Variants in CHM observed in about 807,000 individuals in gnomAD.
CHM encodes CHM Rab escort protein, also known as rab proteins geranylgeranyltransferase component A 1.
CHM carries 10 observed loss-of-function variants against 49.0 expected under a neutral mutation model. The ratio of observed to expected loss-of-function variants is 0.20; its 90% CI spans 0.13 to 0.35. The LOEUF (loss-of-function observed/expected upper bound fraction) is 0.35, where lower values mean the gene tolerates loss of function less well. Ranked by LOEUF, CHM falls within the 10% of genes least tolerant of loss-of-function variation. The pLI is 1.00. For synonymous variants in CHM, 184 were observed against 167.5 expected, an observed-to-expected ratio of 1.10 and a Z score of -0.76; for missense variants, 455 against 478.4, an observed-to-expected ratio of 0.95 and a Z score of 0.46.
intron 3 of CHM, among the ~76,000 whole-genome samples, chrX:85,979,439 C>T (rs892720889): frequency 1.8e-5 from 2 of 111,037 alleles, no homozygotes; most frequent in Non-Finnish European, 3.8e-5. Context: ...TAATTAGTCC[C>T]TGAATACCTT....
At chrX:86,047,304 G>C in intron 1 of CHM, 180 bp downstream of exon 1, 2 of 503,790 alleles carry the variant, frequency 4.0e-6, no homozygotes. Context: ...AGCACTGCGG[G>C]TCCCAGCCCC....
At chrX:85,959,967 AAACT>A (rs1183325541) in intron 5 of CHM, among the ~76,000 whole-genome samples, 2 of 111,821 alleles carry the variant, frequency 1.8e-5, no homozygotes, top group African/African-American at 6.5e-5. Context: ...AAAATTTTAT[AAACT>A]AATAGTTCAG....
chrX:85,873,927 A>G (rs1924261494), intron 13 of CHM, among the ~76,000 whole-genome samples: 1 of 111,911 alleles, frequency 8.9e-6, no homozygotes, highest in Non-Finnish European at 1.9e-5. Flanking sequence ...AAATGAAGTC[A>G]TAACAGTGAA....
rs773489076 is a variant in CHM, at chrX:85,883,828, C to A, written c.1511-4765G>T. On this transcript the variant is annotated intron_variant, in intron 12 of 14. Transcript: ENST00000357749. ...ATATATATTTCACATTATATATTCA[C>A]AAATATATAATCATATCACAGATAA... Among the ~76,000 whole-genome samples the A allele has an allele frequency of 1.2e-4, 13 of 110,164 alleles. No homozygotes were observed. In the East Asian group the frequency reaches 3.1e-3, roughly 26 times the overall value.
At chrX:85,900,417 T>C (rs1158880083) in intron 11 of CHM, among the ~76,000 whole-genome samples, 1 of 111,320 alleles carries the variant, frequency 9.0e-6, no homozygotes, top group Non-Finnish European at 1.9e-5. Context: ...ACAAAAAGAA[T>C]AAGTTTTAGA....
intron 14 of CHM, among the ~76,000 whole-genome samples, chrX:85,867,441 G>A (rs940993466): frequency 8.9e-6 from 1 of 112,143 alleles, no homozygotes; most frequent in Non-Finnish European, 1.9e-5. Context: ...TTATAGCAGT[G>A]TGAGGACAGA....
At chrX:85,973,261 T>C (rs1365088458) in intron 4 of CHM, among the ~76,000 whole-genome samples, 8 of 79,214 alleles carry the variant, frequency 1.0e-4, no homozygotes, top group Non-Finnish European at 1.8e-4. Context: ...ATCACGCCAC[T>C]GCACTCCAGT....
intron 5 of CHM, among the ~76,000 whole-genome samples, chrX:85,961,234 A>G (rs1930277858): frequency 9.1e-6 from 1 of 109,664 alleles, no homozygotes; most frequent in Non-Finnish European, 1.9e-5. Flanking sequence ...ATCCTGGCCA[A>G]CATGGTGAAA....
intron 9 of CHM, among the ~76,000 whole-genome samples, chrX:85,910,078 A>G (rs981921428): frequency 2.7e-5 from 3 of 111,903 alleles, no homozygotes; most frequent in Non-Finnish European, 5.7e-5. Flanking sequence ...CAAGCCGTTT[A>G]AAATACGTAT....
chrX:85,865,946 A>G (rs1266980567), intron 14 of CHM, among the ~76,000 whole-genome samples: 1 of 112,586 alleles, frequency 8.9e-6, no homozygotes, highest in African/African-American at 3.2e-5. Flanking sequence ...TGTGTTCACA[A>G]AGAGATGCCT....
chrX:85,944,637 G>A (rs948376299), intron 8 of CHM, among the ~76,000 whole-genome samples: 4 of 112,090 alleles, frequency 3.6e-5, no homozygotes, highest in African/African-American at 1.3e-4. Flanking sequence ...TTAGACAGCT[G>A]CTGGTGAGGC....
chrX:86,023,379 T>C (rs1933683104), intron 2 of CHM, among the ~76,000 whole-genome samples: 1 of 110,821 alleles, frequency 9.0e-6, no homozygotes, highest in African/African-American at 3.3e-5. Context: ...TTGCTCCATC[T>C]GTCCAAAATG....
At chrX:85,900,937 C>T (rs1926235081) in intron 10 of CHM, 147 bp downstream of exon 10, 3 of 515,140 alleles carry the variant, frequency 5.8e-6, no homozygotes, top group Non-Finnish European at 1.0e-5. Flanking sequence ...TTATGCTAGG[C>T]TTCCCTAAAA....
At chrX:85,965,622 A>G (rs758559552) in intron 4 of CHM, among the ~76,000 whole-genome samples, 33 of 111,698 alleles carry the variant, frequency 3.0e-4, no homozygotes, top group Admixed American at 6.7e-4. Flanking sequence ...AGGCCAAGAA[A>G]AAAACACGGT....
chrX:86,032,846 C>T (rs1248710350), intron 1 of CHM, among the ~76,000 whole-genome samples: 1 of 111,414 alleles, frequency 9.0e-6, no homozygotes, highest in African/African-American at 3.3e-5. Context: ...ATGACTTTCA[C>T]AGTTGAGGTT....
Position 85,963,840 on chromosome X carries a change from C to G in CHM, c.527G>C (p.Gly176Ala), listed in dbSNP as rs1054962303. 8.3e-7 allele frequency: 1 copy of G among 1,209,513 alleles called. No individual in the cohort carries two copies. Among genetic ancestry groups the G allele is most frequent in the Non-Finnish European group, 1.1e-6 (1 of 895,181 alleles). The change falls in exon 5 of 15, where the codon GGG becomes GCG. Residue 176 changes from glycine (G) to alanine (A), a missense_variant. Gly to Ala is a moderately conservative substitution (Grantham distance 60). Transcript: ENST00000357749. ...ATCATCACAATGGTTTTCTTTTTCC[C>G]CTGTCACTTCAGCACCATTTACTTC... The part of the protein sequence containing the change: ...ALEVNGAEVT[G>A]EKENHCDDKT...
At chrX:85,901,063 A>G in intron 10 of CHM, 21 bp downstream of exon 10, 2 of 1,059,111 alleles carry the variant, frequency 1.9e-6, no homozygotes, top group South Asian at 3.8e-5. Context: ...TTCGCTTGCT[A>G]ATGGGTGGAG....
In CHM at chrX:85,863,487, G is replaced by A. The variant is rs1020776977; in HGVS notation, c.*1143C>T. The A allele has an allele frequency of 7.2e-5, 8 of 111,768 alleles. No individual in the cohort carries two copies. The highest frequency in any genetic ancestry group is 6.7e-4 in the Admixed American group (7 of 10,510). The allele number at this position is 111,768 out of a possible 1,213,427, so 9.2% of individuals were successfully genotyped here. On this transcript the variant is annotated 3_prime_UTR_variant, in exon 15 of 15. Coordinates refer to ENST00000357749, the MANE Select transcript of CHM (RefSeq NM_000390.4). The stretch of plus-strand genomic sequence containing the variant: ...GAAAAGGAATAAAACAATTTATAGA[G>A]TGTTTTCCTTAGTAATATTTCAAAA...
At chrX:85,891,403 C>G (rs1349799742) in intron 12 of CHM, among the ~76,000 whole-genome samples, 2 of 111,624 alleles carry the variant, frequency 1.8e-5, no homozygotes, top group African/African-American at 6.5e-5. Flanking sequence ...GTTTCATGGG[C>G]CAGTCCCCCC....
Sources: allele counts gnomAD v4.1 joint callset (sites outside exome capture counted in the v4.1 genomes callset), GRCh38; gene constraint gnomAD v4.1.1; transcripts MANE v1.5; gene names NCBI Gene and HGNC (gene_info 2026-07-23, HGNC 2026-07-21).